The following SPDL1 variants were observed in gnomAD, a reference collection of about 807,000 sequenced individuals.
The protein encoded by SPDL1 is protein Spindly.
SPDL1 carries 85 observed loss-of-function variants against 79.5 expected under a neutral mutation model. The ratio of observed to expected loss-of-function variants is 1.07; its 90% CI spans 0.90 to 1.28. SPDL1 has a LOEUF of 1.28. Ranked by LOEUF, SPDL1 falls within the 50% of genes most tolerant of loss-of-function variation. The pLI, the probability that SPDL1 is intolerant of heterozygous loss-of-function variation, is 0.00. For missense variants in SPDL1, 703 were observed against 697.8 expected, an observed-to-expected ratio of 1.01 and a Z score of -0.08; for synonymous variants, 269 against 240.3, an observed-to-expected ratio of 1.12 and a Z score of -1.10.
chr5:169,591,203 A>G lies in SPDL1; in HGVS notation c.315A>G (p.Glu105=), dbSNP rs1454201525. Residue 105 remains glutamate, a synonymous_variant, in exon 3 of 12, where the codon GAA becomes GAG. Coordinates refer to ENST00000265295, the MANE Select transcript of SPDL1 (RefSeq NM_017785.5). Reference sequence around the variant, plus strand: ...AACTAAGCAGAAGCCATGGACAGGAAGTGAATGAACTAAAAACTAAGGTTG... The same window carrying G: ...AACTAAGCAGAAGCCATGGACAGGAGGTGAATGAACTAAAAACTAAGGTTG... ...EEQLSRSHGQ[E]VNELKTKIEK... is the part of the protein sequence containing the mutation. 1 of 1,613,428 alleles carries G rather than the reference A, an allele frequency of 6.2e-7. No homozygotes were observed. Among genetic ancestry groups the G allele is most frequent in the Non-Finnish European group, 8.5e-7 (1 of 1,179,818 alleles).
chr5:169,598,965 A>T lies in SPDL1; in HGVS notation c.1137-7A>T. ...TACTCGTTGGTTCTCCTTTTTTATT[A>T]TCATAGCAAAGAAATTGAAAGCACT... On this transcript the variant is annotated splice_polypyrimidine_tract_variant and splice_region_variant and intron_variant, in intron 9 of 11. Transcript: ENST00000265295. The T allele has an allele frequency of 6.6e-7, 1 of 1,524,004 alleles. No individual in the cohort carries two copies. The allele number at this position is 1,524,004 out of a possible 1,614,324, so 94.4% of individuals were successfully genotyped here. A position where few individuals can be genotyped will look rare whatever the true frequency, so the allele number is the denominator to read the frequency against.
chr5:169,604,328 C>CACA lies in SPDL1; in HGVS notation c.*122_*123insCAA. 1 of 1,008,398 alleles carries CACA rather than the reference C, an allele frequency of 9.9e-7. No individual in the cohort carries two copies. Among genetic ancestry groups the CACA allele is most frequent in the Non-Finnish European group, 1.4e-6 (1 of 732,260 alleles). 62.5% of individuals were successfully genotyped at this position (1,008,398 alleles called of 1,614,324 possible). ...ATTTACTCATTGTGCCAGGACCTGG[C>CACA]ATTTTCATGTGCCTTTGACCAAGTG... On this transcript the variant is annotated 3_prime_UTR_variant, in exon 12 of 12. Coordinates refer to ENST00000265295, the MANE Select transcript of SPDL1 (RefSeq NM_017785.5).
intron 3 of SPDL1, among the ~76,000 whole-genome samples, chr5:169,591,500 G>C (rs1056875353): frequency 2.0e-5 from 3 of 152,218 alleles, no homozygotes; most frequent in African/African-American, 7.2e-5. Context: ...CCTCCTTGCT[G>C]ATAGTGGGTA....
At chr5:169,586,462 C>T (rs1754990156) in intron 1 of SPDL1, 1 of 152,200 alleles carries the variant, frequency 6.6e-6, no homozygotes, top group African/African-American at 2.4e-5. Flanking sequence ...ATACTTTTAT[C>T]CTCTATAGAC....
chr5:169,598,169 TC>T (rs1755687330), intron 8 of SPDL1, among the ~76,000 whole-genome samples: 1 of 152,194 alleles, frequency 6.6e-6, no homozygotes, highest in African/African-American at 2.4e-5. Context: ...TTTTCTATTT[TC>T]AAAGCCAGGA....
chr5:169,586,026 C>A (rs1185397514), intron 1 of SPDL1: 1 of 152,220 alleles, frequency 6.6e-6, no homozygotes, highest in Non-Finnish European at 1.5e-5. Context: ...CCATGACCTA[C>A]AAACACTGTT....
chr5:169,588,184 T>C (rs960806679), intron 1 of SPDL1, among the ~76,000 whole-genome samples: 5 of 152,256 alleles, frequency 3.3e-5, no homozygotes, highest in Non-Finnish European at 7.3e-5. Context: ...TTCCACTCTT[T>C]AATTTTTGAT....
Position 169,604,454 on chromosome 5 carries a change from A to C in SPDL1, c.*247A>C. On this transcript the variant is annotated 3_prime_UTR_variant, in exon 12 of 12. Transcript: ENST00000265295. ...AAACTATTAATTGAAGGAAAATGTTATAATTAATGTATCTATTTGCTGCAT... is the reference window on the plus strand; with the variant it reads ...AAACTATTAATTGAAGGAAAATGTTCTAATTAATGTATCTATTTGCTGCAT... 1 of 251,386 alleles carries C rather than the reference A, an allele frequency of 4.0e-6. No individual in the cohort carries two copies. Among genetic ancestry groups the C allele is most frequent in the African/African-American group, 2.2e-5 (1 of 45,468 alleles). The allele number at this position is 251,386 out of a possible 1,614,324, so 15.6% of individuals were successfully genotyped here. A position where few individuals can be genotyped will look rare whatever the true frequency, so the allele number is the denominator to read the frequency against.
At position 169,588,474 on chromosome 5, in the gene SPDL1, C is replaced by T. The variant is rs1047000; in HGVS notation, c.58C>T (p.Arg20Ter). Residue 20 changes from arginine (R) to a stop codon, truncating the protein, a stop_gained, in exon 2 of 12, where the codon CGA becomes TGA. Coordinates refer to ENST00000265295, the MANE Select transcript of SPDL1 (RefSeq NM_017785.5). LOFTEE classifies it high-confidence loss of function. The part of the protein sequence containing the change: ...RCRLKEAEEE[R>*]LKAAQYGLQL... ...CAGGCTCAAAGAGGCTGAAGAAGAG[C>T]GACTAAAAGCTGCACAGTATGGTTT... 6.2e-6 allele frequency: 10 copies of T among 1,613,268 alleles called. No homozygotes were observed. The highest frequency in any genetic ancestry group is 4.4e-5 in the South Asian group (4 of 90,974).
intron 11 of SPDL1, among the ~76,000 whole-genome samples, chr5:169,602,370 AAAAG>A (rs1488867962): frequency 1.4e-4 from 21 of 152,226 alleles, no homozygotes; most frequent in African/African-American, 2.9e-4. Flanking sequence ...TGAAGAAAGT[AAAAG>A]AAAGATGAAG....
rs565037146 is a variant in SPDL1 at position 169,600,200 on chromosome 5, G to A, written c.1324+1041G>A. Among the ~76,000 whole-genome samples, 60 of 152,260 alleles carry A rather than the reference G, an allele frequency of 3.9e-4. 1 individual carries two copies. Among genetic ancestry groups the A allele is most frequent in the African/African-American group, 1.3e-3 (52 of 41,550 alleles). ...TCTGCACATGCCTCAGTCTCTCTTC[G>A]TATTGTCTCAGTGAACTGCTATGAT... On this transcript the variant is annotated intron_variant, in intron 10 of 11. Transcript: ENST00000265295.
At chr5:169,600,343 A>G (rs999755078) in intron 10 of SPDL1, among the ~76,000 whole-genome samples, 2 of 152,224 alleles carry the variant, frequency 1.3e-5, no homozygotes, top group Non-Finnish European at 2.9e-5. Flanking sequence ...TCCCCTGATT[A>G]AGAATTATCC....
chr5:169,594,304 T>G lies in SPDL1; in HGVS notation c.681+10T>G, dbSNP rs1755466006. The G allele has an allele frequency of 6.2e-7, 1 of 1,613,322 alleles. No individual in the cohort carries two copies. Among genetic ancestry groups the G allele is most frequent in the Non-Finnish European group, 8.5e-7 (1 of 1,179,584 alleles). ...CTATAATGCCCTAGAGGTACTATGA[T>G]TACAGTAACATCATGTTTTCCAATT... is the stretch of plus-strand genomic sequence containing the variant. On this transcript the variant is annotated intron_variant, in intron 5 of 11. Transcript: ENST00000265295.
chr5:169,604,264 T>A lies in SPDL1; in HGVS notation c.*57T>A. On this transcript the variant is annotated 3_prime_UTR_variant, in exon 12 of 12. Transcript: ENST00000265295. The stretch of plus-strand genomic sequence containing the variant: ...TTGCCTCAAAAGTTACTATGGTGCT[T>A]AAGATTGTCTTGATCTGACATATAT... 1.4e-6 allele frequency: 2 copies of A among 1,438,112 alleles called. No individual in the cohort carries two copies. Among genetic ancestry groups the A allele is most frequent in the Non-Finnish European group, 1.9e-6 (2 of 1,079,524 alleles). The allele number at this position is 1,438,112 out of a possible 1,614,324, so 89.1% of individuals were successfully genotyped here.
rs142966893 is a variant in SPDL1, at chr5:169,584,882, C to T, written c.-24+993C>T. Among the ~76,000 whole-genome samples the T allele has an allele frequency of 7.4e-4, 113 of 152,238 alleles. 1 individual carries two copies. Among genetic ancestry groups the T allele is most frequent in the African/African-American group, 2.6e-3 (109 of 41,556 alleles). Reference sequence around the variant, plus strand: ...TAAAGCGGCCGGGTGCGGTGGCTCACGCCTGTAATCCCAGCTACTCGGGAG... The same window carrying T: ...TAAAGCGGCCGGGTGCGGTGGCTCATGCCTGTAATCCCAGCTACTCGGGAG... On this transcript the variant is annotated intron_variant, in intron 1 of 11. Transcript: ENST00000265295.
chr5:169,597,251 T>C (rs1285006457), intron 8 of SPDL1, among the ~76,000 whole-genome samples: 2 of 151,954 alleles, frequency 1.3e-5, no homozygotes, highest in Admixed American at 1.3e-4. Context: ...TGTGTGTGTG[T>C]GTGTGTGTGT....
At chr5:169,590,949 C>A in intron 2 of SPDL1, 99 bp from the exon 3 acceptor site, 1 of 1,055,074 alleles carries the variant, frequency 9.5e-7, no homozygotes. Context: ...GCAGCAAATG[C>A]TTGAAATAAG....
At chr5:169,603,858 GTAA>G (rs1298636411) in intron 11 of SPDL1, among the ~76,000 whole-genome samples, 199 bp from the exon 12 acceptor site, 1 of 152,070 alleles carries the variant, frequency 6.6e-6, no homozygotes. Flanking sequence ...GTCTCAAAAA[GTAA>G]TAATAACAAT....
intron 1 of SPDL1, chr5:169,586,370 A>T (rs375676156): frequency 2.6e-5 from 4 of 152,280 alleles, no homozygotes; most frequent in African/African-American, 9.7e-5. Flanking sequence ...TTTTCCTTCT[A>T]CCTCACTGGT....
Sources: gnomAD v4.1 joint callset for allele counts (sites outside exome capture counted in the v4.1 genomes callset) on GRCh38, gnomAD v4.1.1 for gene constraint, MANE v1.5 for transcripts, NCBI Gene and HGNC (gene_info 2026-07-23, HGNC 2026-07-21) for gene names.